SLC16A6: variants seen among roughly 807,000 people sequenced by gnomAD.
SLC16A6 encodes the protein monocarboxylate transporter 7.
In SLC16A6, 15 loss-of-function variants were observed where a neutral mutation model predicts 33.8. That is an observed-to-expected ratio of 0.44 (90% CI 0.30 to 0.68). SLC16A6 has a LOEUF of 0.68. SLC16A6 is among the 30% of genes least tolerant of loss of function. SLC16A6 has a pLI of 0.10. For missense variants in SLC16A6, 451 were observed against 661.5 expected (o/e 0.68, Z 3.49); for synonymous variants, 219 against 248.4 (o/e 0.88, Z 1.11).
chr17:68,271,476 A>C lies in SLC16A6; in HGVS notation c.684T>G (p.Asn228Lys), dbSNP rs1555748701. 1 of 1,614,004 alleles carries C rather than the reference A, an allele frequency of 6.2e-7. No homozygotes were observed. The highest frequency in any genetic ancestry group is 1.1e-5 in the South Asian group (1 of 91,078). The change falls in exon 5 of 6, where the codon AAT (asparagine) becomes AAG (lysine). Residue 228 changes from asparagine to lysine, a missense_variant. By Grantham distance (94) the Asn-to-Lys change is moderately conservative (BLOSUM62 0). This residue lies in a region of SLC16A6 where 405 missense variants were observed against 510.7 expected (regional missense o/e 0.79). Transcript: ENST00000580666. This position sits in a 1 kb window ranked among gnomAD's most constrained non-coding sequence, Gnocchi z 5.3. ...NRKEAQYMLE[N>K]EKTRTSIDSI... ...AGTCTATTGAGGTTCGTGTTTTCTC[A>C]TTTTCAAGCATATACTGCGCTTCTT...
At position 68,268,816 on chromosome 17, in the gene SLC16A6, A is replaced by G. The variant is rs1186500115; in HGVS notation, c.*280T>C. The stretch of plus-strand genomic sequence containing the variant: ...AATGTGAACCAAAGAGTCTTTCTAC[A>G]TATCTCTTGTATTGCTACTGAATAC... On this transcript the variant is annotated 3_prime_UTR_variant, in exon 6 of 6. Coordinates refer to ENST00000580666, the MANE Select transcript of SLC16A6 (RefSeq NM_004694.5). 10 of 430,586 alleles carry G rather than the reference A, an allele frequency of 2.3e-5. No homozygotes were observed. The highest frequency in any genetic ancestry group is 4.0e-5 in the Admixed American group (1 of 24,994). 26.7% of individuals were successfully genotyped at this position (430,586 alleles called of 1,614,324 possible). A position where few individuals can be genotyped will look rare whatever the true frequency, so the allele number is the denominator to read the frequency against.
intron 4 of SLC16A6, 84 bp downstream of exon 4, chr17:68,272,555 C>T (rs1599499860): frequency 2.0e-6 from 3 of 1,508,978 alleles, no homozygotes; most frequent in Non-Finnish European, 2.7e-6. Flanking sequence ...GTCATCCATA[C>T]TGTTGGCAAA....
At chr17:68,277,707 G>A (rs782061973) in intron 2 of SLC16A6, among the ~76,000 whole-genome samples, 35 of 152,182 alleles carry the variant, frequency 2.3e-4, no homozygotes, top group Non-Finnish European at 2.9e-4. Context: ...TTACAGGTGT[G>A]AGCCACTGTG....
intron 2 of SLC16A6, among the ~76,000 whole-genome samples, chr17:68,276,917 T>C (rs1555751146): frequency 6.6e-6 from 1 of 152,192 alleles, no homozygotes; most frequent in African/African-American, 2.4e-5. Context: ...TGAAGCCCCA[T>C]TTTATTTTAT....
At chr17:68,286,811 T>C (rs1555754470) in intron 1 of SLC16A6, among the ~76,000 whole-genome samples, 1 of 152,100 alleles carries the variant, frequency 6.6e-6, no homozygotes, top group Non-Finnish European at 1.5e-5. Flanking sequence ...CTTTTGAATT[T>C]AGTACTGAAT....
chr17:68,270,996 G>A lies in SLC16A6; in HGVS notation c.1164C>T (p.Cys388=). 6.2e-7 allele frequency: 1 copy of A among 1,614,114 alleles called. No homozygotes were observed. The highest frequency in any genetic ancestry group is 1.6e-4 in the Middle Eastern group (1 of 6,062). Reference sequence around the variant, plus strand: ...CAACCATAAACCCAAAAAATATGCTGCATGACATTAGACCCCAGAATTCAG... The same window carrying A: ...CAACCATAAACCCAAAAAATATGCTACATGACATTAGACCCCAGAATTCAG... ...FATEFWGLMS[C]SIFFGFMVGT... The change falls in exon 5 of 6, where the codon TGC becomes TGT. Residue 388 remains cysteine, a synonymous_variant. Coordinates refer to ENST00000580666, the MANE Select transcript of SLC16A6 (RefSeq NM_004694.5).
intron 1 of SLC16A6, among the ~76,000 whole-genome samples, chr17:68,284,085 T>A (rs1555753702): frequency 8.7e-6 from 1 of 115,028 alleles, no homozygotes; most frequent in South Asian, 2.7e-4. Context: ...AATAGAGCAA[T>A]AGAGTGAGAC....
intron 1 of SLC16A6, among the ~76,000 whole-genome samples, chr17:68,282,065 G>T (rs551198333): frequency 6.6e-6 from 1 of 151,986 alleles, no homozygotes; most frequent in Non-Finnish European, 1.5e-5. Context: ...TGTTTATTGC[G>T]GCACTATTCA....
chr17:68,274,016 A>C lies in SLC16A6; in HGVS notation c.287T>G (p.Leu96Trp). Residue 96 changes from leucine (L) to tryptophan (W), a missense_variant, in exon 3 of 6, where the codon TTG becomes TGG. Transcript: ENST00000580666. ...CCCGGTGCTGACAAGTAGCCCCCCC[A>C]ACATCACTACCAGACGGTGTCCGAA... ...NRFGHRLVVM[L>W]GGLLVSTGMV... 1 of 1,614,152 alleles carries C rather than the reference A, an allele frequency of 6.2e-7. No individual in the cohort carries two copies. The highest frequency in any genetic ancestry group is 8.5e-7 in the Non-Finnish European group (1 of 1,180,016).
Position 68,271,688 on chromosome 17 carries a change from A to G in SLC16A6, c.506-34T>C. On this transcript the variant is annotated intron_variant, in intron 4 of 5. Coordinates refer to ENST00000580666, the MANE Select transcript of SLC16A6 (RefSeq NM_004694.5). The surrounding 1 kb of genome is among the most constrained non-coding windows in gnomAD (Gnocchi z 5.3). ...GGCAGGAGTGAAGAAGAAATAATAT[A>G]AGGTCAATAATGGACTCAAGACCCA... The G allele has an allele frequency of 6.4e-7, 1 of 1,559,734 alleles. No homozygotes were observed. Among genetic ancestry groups the G allele is most frequent in the Non-Finnish European group, 8.8e-7 (1 of 1,139,142 alleles).
chr17:68,283,522 GAA>G (rs368039909), intron 1 of SLC16A6, among the ~76,000 whole-genome samples: 4 of 112,162 alleles, frequency 3.6e-5, no homozygotes, highest in Admixed American at 1.9e-4. Context: ...CTCCGTATCA[GAA>G]AAAAAAAAAA....
chr17:68,275,763 C>T (rs564891180), intron 2 of SLC16A6, among the ~76,000 whole-genome samples: 7 of 152,102 alleles, frequency 4.6e-5, no homozygotes, highest in East Asian at 1.9e-4. Context: ...AGGTGGATCA[C>T]GAGTTCAGGA....
In SLC16A6 at chr17:68,278,236, C is replaced by T; in HGVS notation, c.85G>A (p.Val29Ile). 6.8e-6 allele frequency: 11 copies of T among 1,614,198 alleles called. No homozygotes were observed. The highest frequency in any genetic ancestry group is 8.5e-6 in the Non-Finnish European group (10 of 1,180,030). Residue 29 changes from valine (V) to isoleucine (I), a missense_variant, in exon 2 of 6, where the codon GTT (valine) becomes ATT (isoleucine). Val to Ile is a conservative substitution (Grantham distance 29, BLOSUM62 3). This residue lies in a region of SLC16A6 where 405 missense variants were observed against 510.7 expected (regional missense o/e 0.79). Transcript: ENST00000580666. ...PDGGWGWAVAVSFFFVEVFTY... is the reference protein window; with the variant it reads ...PDGGWGWAVAISFFFVEVFTY... ...AAGACTTCAACGAAGAAAAATGAAA[C>T]AGCTACCGCCCAGCCCCATCCTCCA...
intron 1 of SLC16A6, among the ~76,000 whole-genome samples, chr17:68,280,074 C>T (rs2145087356): frequency 6.7e-6 from 1 of 149,554 alleles, no homozygotes; most frequent in East Asian, 2.0e-4. Flanking sequence ...CCCAGCTACT[C>T]AGGAAGCTGA....
intron 3 of SLC16A6, 134 bp from the exon 4 acceptor site, chr17:68,272,901 A>C (rs2075386647): frequency 1.9e-6 from 2 of 1,066,914 alleles, no homozygotes; most frequent in Non-Finnish European, 2.7e-6. Context: ...TTCATTCTGG[A>C]CAAAGGTGAT....
intron 1 of SLC16A6, among the ~76,000 whole-genome samples, chr17:68,282,179 G>T (rs1343275692): frequency 6.6e-6 from 1 of 152,088 alleles, no homozygotes; most frequent in Non-Finnish European, 1.5e-5. Flanking sequence ...CCATAAAAAA[G>T]GATGAGTTCA....
intron 1 of SLC16A6, among the ~76,000 whole-genome samples, chr17:68,280,716 C>T (rs782604082): frequency 6.6e-6 from 1 of 152,140 alleles, no homozygotes; most frequent in Non-Finnish European, 1.5e-5. Context: ...CACTTTAGGA[C>T]ATTTGTCTGA....
In SLC16A6 at chr17:68,268,197, G is replaced by A. The variant is rs2075214263; in HGVS notation, c.*899C>T. 6.6e-6 allele frequency: 1 copy of A among 152,448 alleles called. No homozygotes were observed. Among genetic ancestry groups the A allele is most frequent in the African/African-American group, 2.4e-5 (1 of 41,430 alleles). The allele number at this position is 152,448 out of a possible 1,614,324, so 9.4% of individuals were successfully genotyped here. Reference sequence around the variant, plus strand: ...AGGATTGCAGAAAGGAGGTAAAAATGCTGCTTATGTCTCAGATTTTATTTC... The same window carrying A: ...AGGATTGCAGAAAGGAGGTAAAAATACTGCTTATGTCTCAGATTTTATTTC... On this transcript the variant is annotated 3_prime_UTR_variant, in exon 6 of 6. Coordinates refer to ENST00000580666, the MANE Select transcript of SLC16A6 (RefSeq NM_004694.5).
rs561542228 is a variant in SLC16A6 at position 68,274,171 on chromosome 17, C to T, written c.233-101G>A. On this transcript the variant is annotated intron_variant, in intron 2 of 5. Coordinates refer to ENST00000580666, the MANE Select transcript of SLC16A6 (RefSeq NM_004694.5). ...CGTCTTGCACATGGAGAGATGATGT[C>T]GAATATAAATATGGCCGAGCGCAGT... The T allele has an allele frequency of 6.8e-6, 9 of 1,317,248 alleles. No homozygotes were observed. The East Asian group carries it at 7.1e-5, about 10-fold the overall frequency. 81.6% of individuals were successfully genotyped at this position (1,317,248 alleles called of 1,614,324 possible).
Sources: allele counts gnomAD v4.1 joint callset (sites outside exome capture counted in the v4.1 genomes callset), GRCh38; gene constraint gnomAD v4.1.1; regional missense constraint gnomAD v4.1.1; non-coding constraint Gnocchi (gnomAD v3.1); transcripts MANE v1.5; gene names NCBI Gene and HGNC (gene_info 2026-07-23, HGNC 2026-07-21).